LRFN5: variants seen among roughly 807,000 people sequenced by gnomAD.
The protein encoded by LRFN5 is leucine-rich repeat and fibronectin type-III domain-containing protein 5.
In LRFN5, 24 loss-of-function variants were observed where a neutral mutation model predicts 45.6. That is an observed-to-expected ratio of 0.53 (90% CI 0.38 to 0.74). The LOEUF (loss-of-function observed/expected upper bound fraction) is 0.74, where lower values mean the gene tolerates loss of function less well. Ranked by LOEUF, LRFN5 falls within the 30% of genes least tolerant of loss-of-function variation. The pLI is 0.00. For missense variants in LRFN5, 776 were observed against 861.5 expected, an observed-to-expected ratio of 0.90 and a Z score of 1.24; for synonymous variants, 340 against 313.8, an observed-to-expected ratio of 1.08 and a Z score of -0.88.
chr14:41,791,579 A>C (rs867858763), intron 2 of LRFN5, among the ~76,000 whole-genome samples: 2 of 152,184 alleles, frequency 1.3e-5, no homozygotes, highest in South Asian at 4.1e-4. Context: ...GGAAGTAAAA[A>C]TTTCAAGACT....
intron 1 of LRFN5, among the ~76,000 whole-genome samples, chr14:41,675,420 G>T (rs1881579312): frequency 6.6e-6 from 1 of 152,254 alleles, no homozygotes; most frequent in Non-Finnish European, 1.5e-5. Context: ...GGCCAACACA[G>T]CGAAACCCCG....
At chr14:41,612,930 G>T (rs142706871) in intron 1 of LRFN5, among the ~76,000 whole-genome samples, 1 of 151,456 alleles carries the variant, frequency 6.6e-6, no homozygotes, top group African/African-American at 2.4e-5. Flanking sequence ...TCATATTGTT[G>T]TGAAAGATAC....
intron 2 of LRFN5, among the ~76,000 whole-genome samples, chr14:41,824,064 T>A (rs941520016): frequency 6.6e-6 from 1 of 152,132 alleles, no homozygotes; most frequent in East Asian, 1.9e-4. Flanking sequence ...CATTTATATA[T>A]TGAATTGTTT....
chr14:41,738,713 T>C (rs1415416064), intron 1 of LRFN5, among the ~76,000 whole-genome samples: 1 of 152,218 alleles, frequency 6.6e-6, no homozygotes, highest in African/African-American at 2.4e-5. Context: ...AGATTGCTCA[T>C]CATTACATTA....
At chr14:41,892,739 C>T in intron 4 of LRFN5, 1 of 985,290 alleles carries the variant, frequency 1.0e-6, no homozygotes. Context: ...GATATTTCTC[C>T]TCTATGATAC....
At chr14:41,672,113 TTC>T (rs900276816) in intron 1 of LRFN5, among the ~76,000 whole-genome samples, 24 of 152,302 alleles carry the variant, frequency 1.6e-4, no homozygotes, top group African/African-American at 5.5e-4. Context: ...AGCTTCCTCT[TTC>T]TGTTTATTTT....
At chr14:41,815,427 G>C (rs1887882983) in intron 2 of LRFN5, among the ~76,000 whole-genome samples, 2 of 152,062 alleles carry the variant, frequency 1.3e-5, no homozygotes, top group African/African-American at 4.8e-5. Context: ...TCTTCACCTG[G>C]TTTTGTATTT....
At chr14:41,875,537 C>T (rs1183883965) in intron 2 of LRFN5, among the ~76,000 whole-genome samples, 1 of 152,164 alleles carries the variant, frequency 6.6e-6, no homozygotes, top group African/African-American at 2.4e-5. Context: ...TCAAGCTATA[C>T]CAATTAAAGA....
chr14:41,812,242 A>G (rs862541), intron 2 of LRFN5, among the ~76,000 whole-genome samples: 55,293 of 151,896 alleles, frequency 0.36, 10,856 homozygotes, highest in East Asian at 0.69. Flanking sequence ...AGATTGTTTT[A>G]AAACAAAATG....
chr14:41,847,089 G>C (rs1345443922), intron 2 of LRFN5, among the ~76,000 whole-genome samples: 2 of 152,022 alleles, frequency 1.3e-5, no homozygotes, highest in Non-Finnish European at 2.9e-5. Flanking sequence ...ACATTTTCAT[G>C]AAAGTGTTTT....
chr14:41,844,014 G>GA (rs1888959825), intron 2 of LRFN5, among the ~76,000 whole-genome samples: 1 of 152,120 alleles, frequency 6.6e-6, no homozygotes, highest in African/African-American at 2.4e-5. Context: ...CAATGGAGGT[G>GA]AATAGATACT....
At chr14:41,903,122 C>T (rs923130543) in intron 5 of LRFN5, among the ~76,000 whole-genome samples, 4 of 151,400 alleles carry the variant, frequency 2.6e-5, no homozygotes, top group Non-Finnish European at 4.4e-5. Flanking sequence ...TTGCTAAAAT[C>T]AATTTCACTA....
chr14:41,705,362 G>A (rs1403552088), intron 1 of LRFN5, among the ~76,000 whole-genome samples: 13 of 151,880 alleles, frequency 8.6e-5, no homozygotes, highest in Admixed American at 8.5e-4. Flanking sequence ...AGGTGACTAA[G>A]GTAATTTTTG....
chr14:41,890,825 T>G (rs1890755348), intron 3 of LRFN5, among the ~76,000 whole-genome samples: 1 of 152,260 alleles, frequency 6.6e-6, no homozygotes, highest in Admixed American at 6.5e-5. Context: ...CGTATCTATT[T>G]TGATTTCTAA....
intron 2 of LRFN5, among the ~76,000 whole-genome samples, chr14:41,819,792 C>T (rs1888048622): frequency 6.6e-6 from 1 of 152,090 alleles, no homozygotes; most frequent in Non-Finnish European, 1.5e-5. Context: ...GATCCAATCA[C>T]CTTCCACCAG....
chr14:41,749,408 A>G (rs1885041853), intron 1 of LRFN5, among the ~76,000 whole-genome samples: 1 of 152,184 alleles, frequency 6.6e-6, no homozygotes, highest in Non-Finnish European at 1.5e-5. Context: ...ATTAACAAAC[A>G]TTCATTGATT....
Position 41,880,500 on chromosome 14 carries a change from T to A in LRFN5, c.-20-6106T>A, listed in dbSNP as rs186587055. Among the ~76,000 whole-genome samples the A allele has an allele frequency of 6.9e-3, 1,046 of 152,262 alleles. 16 individuals carry two copies. The highest frequency in any genetic ancestry group is 0.024 in the African/African-American group (1,016 of 41,578). On this transcript the variant is annotated intron_variant, in intron 2 of 5. Transcript: ENST00000298119. ...TTGTTATACTTTAATTTCAATTAAA[T>A]TAATTTCATTTAATTAATTACTTTA... is the stretch of plus-strand genomic sequence containing the variant.
At chr14:41,861,472 G>A (rs909051832) in intron 2 of LRFN5, among the ~76,000 whole-genome samples, 3 of 152,082 alleles carry the variant, frequency 2.0e-5, no homozygotes, top group Admixed American at 6.6e-5. Context: ...GTTAAAATTG[G>A]ATGTAACTCA....
At chr14:41,772,276 C>T (rs1489010675) in intron 2 of LRFN5, among the ~76,000 whole-genome samples, 5 of 152,130 alleles carry the variant, frequency 3.3e-5, no homozygotes, top group Non-Finnish European at 5.9e-5. Flanking sequence ...CTGGGGATTA[C>T]GTTGCAACAT....
Sources: gnomAD v4.1 joint callset for allele counts (sites outside exome capture counted in the v4.1 genomes callset) on GRCh38, gnomAD v4.1.1 for gene constraint, MANE v1.5 for transcripts, NCBI Gene and HGNC (gene_info 2026-07-23, HGNC 2026-07-21) for gene names.